MYO1F: variants seen among roughly 807,000 people sequenced by gnomAD.
MYO1F encodes unconventional myosin-If.
A neutral mutation model predicts 146.6 loss-of-function variants in MYO1F; 60 were observed. The observed-to-expected ratio is 0.41, with a 90% CI of 0.33 to 0.51. MYO1F has a LOEUF of 0.51. MYO1F is among the 20% of genes least tolerant of loss of function. The pLI is 0.25. For missense variants in MYO1F, 1,274 were observed against 1,534.3 expected (o/e 0.83, Z 2.83); for synonymous variants, 602 against 602.1 (o/e 1.00, Z 0.00).
chr19:8,567,853 C>T lies in MYO1F; in HGVS notation c.3+9454G>A, dbSNP rs573540688. Among the ~76,000 whole-genome samples the T allele has an allele frequency of 2.0e-5, 3 of 152,310 alleles. 1 individual carries two copies. The highest frequency in any genetic ancestry group is 4.1e-4 in the South Asian group (2 of 4,832). On this transcript the variant is annotated intron_variant, in intron 1 of 27. Coordinates refer to ENST00000644032, the MANE Select transcript of MYO1F (RefSeq NM_012335.4). ...TTGGGGAGAAGATGGGTCATGTCTA[C>T]AATTTCCCCTTTGGGGGCCAGTGCA...
At chr19:8,568,240 G>A (rs187828432) in intron 1 of MYO1F, among the ~76,000 whole-genome samples, 2 of 151,968 alleles carry the variant, frequency 1.3e-5, no homozygotes. Flanking sequence ...TGGCTAACAC[G>A]GTGAAACCCC....
chr19:8,525,221 A>T (rs1972216386), intron 25 of MYO1F: 1 of 310,690 alleles, frequency 3.2e-6, no homozygotes, highest in Non-Finnish European at 6.0e-6. Flanking sequence ...AAAAAAAAAA[A>T]AGATGTAGTT....
chr19:8,522,243 C>T (rs972049880), intron 27 of MYO1F, 134 bp downstream of exon 27: 64 of 1,112,020 alleles, frequency 5.8e-5, no homozygotes, highest in East Asian at 3.6e-4. Context: ...AGGATGGTCT[C>T]GATCTCCTGA....
intron 25 of MYO1F, chr19:8,525,199 C>CAAAA (rs60806727): frequency 0.037 from 2,957 of 80,278 alleles, 328 homozygotes; most frequent in African/African-American, 0.15. Flanking sequence ...GACTCCATCT[C>CAAAA]AAAAAAAAAA....
At chr19:8,524,415 T>TAAA (rs1972180790) in intron 25 of MYO1F, among the ~76,000 whole-genome samples, 1 of 73,144 alleles carries the variant, frequency 1.4e-5, no homozygotes, top group African/African-American at 9.9e-5. Flanking sequence ...AGACTCTGTC[T>TAAA]CAAAAAAAAA....
chr19:8,557,274 CA>C (rs1028712389), intron 1 of MYO1F, among the ~76,000 whole-genome samples: 1 of 149,040 alleles, frequency 6.7e-6, no homozygotes, highest in South Asian at 2.1e-4. Context: ...GACTCTGTCT[CA>C]AAAAAAACAA....
At chr19:8,555,410 C>G in intron 2 of MYO1F, 3 of 173,188 alleles carry the variant, frequency 1.7e-5, no homozygotes, top group South Asian at 8.1e-5. Context: ...AAAAAAAGAA[C>G]AAACAGGGTT....
chr19:8,546,748 G>A (rs993761394), intron 12 of MYO1F, among the ~76,000 whole-genome samples: 4 of 151,876 alleles, frequency 2.6e-5, no homozygotes, highest in East Asian at 3.9e-4. Context: ...GCACAATCTC[G>A]ACTCACTACA....
chr19:8,559,833 C>G (rs1362431031), intron 1 of MYO1F, among the ~76,000 whole-genome samples: 1 of 151,634 alleles, frequency 6.6e-6, no homozygotes, highest in Non-Finnish European at 1.5e-5. Context: ...GCCTGTAATC[C>G]CAGCTACTCG....
At chr19:8,527,548 C>T in intron 21 of MYO1F, 65 bp from the exon 22 acceptor site, 15 of 1,592,834 alleles carry the variant, frequency 9.4e-6, no homozygotes, top group Middle Eastern at 1.7e-4. Flanking sequence ...AGAGGATCCA[C>T]CCCAGGCAGA....
In MYO1F at chr19:8,577,222, T is replaced by C. The variant is rs781788537; in HGVS notation, c.3+85A>G. ...CACCATGCCCCTCCCCTCACCCCAA[T>C]TTCTGATGGTCATTTTTAGGACACC... On this transcript the variant is annotated intron_variant, in intron 1 of 27. Coordinates refer to ENST00000644032, the MANE Select transcript of MYO1F (RefSeq NM_012335.4). This position sits in a 1 kb window ranked among gnomAD's most constrained non-coding sequence, Gnocchi z 4.3. The C allele has an allele frequency of 3.9e-6, 6 of 1,522,778 alleles. No individual in the cohort carries two copies. The highest frequency in any genetic ancestry group is 5.4e-6 in the Non-Finnish European group (6 of 1,110,942). 94.3% of individuals were successfully genotyped at this position (1,522,778 alleles called of 1,614,324 possible).
chr19:8,577,405 C>A lies in MYO1F; in HGVS notation c.-96G>T, dbSNP rs1012752493. 7.3e-7 allele frequency: 1 copy of A among 1,363,082 alleles called. No individual in the cohort carries two copies. The highest frequency in any genetic ancestry group is 1.4e-5 in the African/African-American group (1 of 70,158). The allele number at this position is 1,363,082 out of a possible 1,614,324, so 84.4% of individuals were successfully genotyped here. A position where few individuals can be genotyped will look rare whatever the true frequency, so the allele number is the denominator to read the frequency against. On this transcript the variant is annotated 5_prime_UTR_variant, in exon 1 of 28. Coordinates refer to ENST00000644032, the MANE Select transcript of MYO1F (RefSeq NM_012335.4). This position sits in a 1 kb window ranked among gnomAD's most constrained non-coding sequence, Gnocchi z 4.3. ...ATCTTGGGGGTGGCTTGGGCATGGC[C>A]CTGCTTCTGCCCGTTCACCGGACTC... is the stretch of plus-strand genomic sequence containing the variant.
At chr19:8,525,062 T>C (rs1208956918) in intron 25 of MYO1F, among the ~76,000 whole-genome samples, 2 of 151,290 alleles carry the variant, frequency 1.3e-5, no homozygotes, top group African/African-American at 4.9e-5. Flanking sequence ...TAGCCGGGCG[T>C]GGTGGCGGGT....
chr19:8,542,141 G>T, intron 14 of MYO1F, 150 bp from the exon 15 acceptor site: 1 of 683,176 alleles, frequency 1.5e-6, no homozygotes, highest in Non-Finnish European at 2.7e-6. Flanking sequence ...CTGGCTGGGG[G>T]GTATCTACAG....
At chr19:8,523,185 C>T (rs558064312) in intron 25 of MYO1F, among the ~76,000 whole-genome samples, 211 of 152,028 alleles carry the variant, frequency 1.4e-3, no homozygotes, top group African/African-American at 4.9e-3. Flanking sequence ...GCACCTGCCA[C>T]CACGCCTGGA....
At chr19:8,560,076 C>G (rs187761189) in intron 1 of MYO1F, among the ~76,000 whole-genome samples, 1 of 151,782 alleles carries the variant, frequency 6.6e-6, no homozygotes, top group Non-Finnish European at 1.5e-5. Flanking sequence ...TGGGTAGGCT[C>G]GAAGGGAAAC....
intron 17 of MYO1F, 55 bp from the exon 18 acceptor site, chr19:8,536,652 GGTGGGT>G: frequency 9.9e-7 from 1 of 1,012,590 alleles, no homozygotes; most frequent in Admixed American, 2.1e-5. Flanking sequence ...CAGTCCTGGG[GGTGGGT>G]GGGAGGTGCT....
chr19:8,561,101 C>T (rs1222261889), intron 1 of MYO1F, among the ~76,000 whole-genome samples: 1 of 151,948 alleles, frequency 6.6e-6, no homozygotes, highest in East Asian at 1.9e-4. Context: ...AGGCTGATGT[C>T]TATAACTCCT....
At chr19:8,552,734 C>A (rs1438254313) in intron 6 of MYO1F, among the ~76,000 whole-genome samples, 1 of 152,110 alleles carries the variant, frequency 6.6e-6, no homozygotes, top group East Asian at 1.9e-4. Flanking sequence ...GTGATAGAAT[C>A]AAACCCTGAA....
Sources: allele counts gnomAD v4.1 joint callset (sites outside exome capture counted in the v4.1 genomes callset), GRCh38; gene constraint gnomAD v4.1.1; non-coding constraint Gnocchi (gnomAD v3.1); transcripts MANE v1.5; gene names NCBI Gene and HGNC (gene_info 2026-07-23, HGNC 2026-07-21).